Variants in PSG5 observed in about 807,000 individuals in gnomAD.
PSG5 encodes pregnancy-specific beta-1-glycoprotein 5.
In PSG5, 53 loss-of-function variants were observed where a neutral mutation model predicts 37.7. The observed-to-expected ratio is 1.41, with a 90% CI of 1.13 to 1.77. The LOEUF (loss-of-function observed/expected upper bound fraction) is 1.77. Ranked by LOEUF, PSG5 falls within the 40% of genes most tolerant of loss-of-function variation. The pLI is 0.00. For synonymous variants in PSG5, 221 were observed against 155.4 expected (o/e 1.42, Z -3.14); for missense variants, 547 against 405.2 (o/e 1.35, Z -3.00).
intron 2 of PSG5, among the ~76,000 whole-genome samples, chr19:43,184,005 T>A (rs895384902): frequency 6.6e-6 from 1 of 151,780 alleles, no homozygotes; most frequent in Admixed American, 6.6e-5. Flanking sequence ...CAGCATTTAT[T>A]ATTAATTTGC....
intron 2 of PSG5, chr19:43,183,476 G>C (rs768986391): frequency 1.9e-6 from 1 of 529,248 alleles, no homozygotes; most frequent in Non-Finnish European, 3.9e-6. Flanking sequence ...CAGGGTCTGA[G>C]TGGGGAAAGA....
intron 4 of PSG5, chr19:43,174,993 C>T (rs1360073782): frequency 2.8e-6 from 4 of 1,419,520 alleles, no homozygotes; most frequent in East Asian, 4.9e-5. Context: ...AGCCCCCTCC[C>T]TAACTTTCTT....
intron 2 of PSG5, among the ~76,000 whole-genome samples, chr19:43,179,562 T>A (rs1332704251): frequency 6.6e-6 from 1 of 151,770 alleles, no homozygotes; most frequent in African/African-American, 2.4e-5. Flanking sequence ...ATGTTTTCTC[T>A]GCAGCTTCCC....
At chr19:43,182,695 C>G (rs1969153959) in intron 2 of PSG5, among the ~76,000 whole-genome samples, 1 of 77,720 alleles carries the variant, frequency 1.3e-5, no homozygotes, top group Non-Finnish European at 2.8e-5. Context: ...TAGAAACCAA[C>G]ATTTCAATAA....
intron 2 of PSG5, among the ~76,000 whole-genome samples, chr19:43,179,378 T>G (rs1248132033): frequency 6.6e-6 from 1 of 151,442 alleles, no homozygotes; most frequent in Admixed American, 6.6e-5. Context: ...TTCTCAAGTG[T>G]GAATTGAGCA....
rs1969063987 is a variant in PSG5 at position 43,178,743 on chromosome 19, A to C, written c.431-2595T>G. 8 of 1,587,342 alleles carry C rather than the reference A, an allele frequency of 5.0e-6. No homozygotes were observed. In the South Asian group the frequency reaches 7.8e-5, roughly 15 times the overall value. On this transcript the variant is annotated intron_variant, in intron 2 of 5. Transcript: ENST00000342951. ...AGGCCTACTCTGTTTTGCCTGGGGC[A>C]GAAAGTCATGGCCAGCTTTGATGTC...
chr19:43,175,703 A>T, intron 3 of PSG5, 167 bp downstream of exon 3: 1 of 1,433,580 alleles, frequency 7.0e-7, no homozygotes, highest in Non-Finnish European at 9.4e-7. Context: ...ATTCCTGGTT[A>T]AGGCTGTGCC....
rs537937316 is a variant in PSG5 at position 43,185,425 on chromosome 19, C to T, written c.65-278G>A. Reference sequence around the variant, plus strand: ...GAATCCTCTTCCCCAGGGGTCCACACGGCACCCCCCCCCCCCCACACTGCC... The same window carrying T: ...GAATCCTCTTCCCCAGGGGTCCACATGGCACCCCCCCCCCCCCACACTGCC... On this transcript the variant is annotated intron_variant, in intron 1 of 5. Coordinates refer to ENST00000342951, the MANE Select transcript of PSG5 (RefSeq NM_002781.4). 7.0e-4 allele frequency among the ~76,000 whole-genome samples: 36 copies of T among 51,566 alleles called. No individual in the cohort carries two copies. The East Asian group carries it at 8.7e-3, about 12-fold the overall frequency. The allele number at this position is 51,566 out of a possible 152,430, so 33.8% of individuals were successfully genotyped here.
intron 4 of PSG5, chr19:43,170,546 C>A (rs984016923): frequency 3.6e-5 from 15 of 417,218 alleles, no homozygotes; most frequent in Admixed American, 2.1e-4. Context: ...AGAAGGCCCA[C>A]GTCCGTGCAT....
At chr19:43,185,438 C>T (rs200578051) in intron 1 of PSG5, among the ~76,000 whole-genome samples, 5 of 150,014 alleles carry the variant, frequency 3.3e-5, no homozygotes, top group Admixed American at 6.6e-5. Flanking sequence ...CACCCCCCCC[C>T]CCCCACACTG....
chr19:43,179,466 G>A (rs1568374086), intron 2 of PSG5, among the ~76,000 whole-genome samples: 2 of 151,632 alleles, frequency 1.3e-5, no homozygotes, highest in Admixed American at 1.3e-4. Context: ...GACTAAAACT[G>A]CCTGCCTGAC....
rs78914482 is a variant in PSG5, at chr19:43,182,264, G to A, written c.430+2518C>T. On this transcript the variant is annotated intron_variant, in intron 2 of 5. Transcript: ENST00000342951. ...GGAGGGAACTGAATTCTGCTAAAAT[G>A]TTGGCACAGTTTCTATAATTCCTGA... 6.2e-3 allele frequency among the ~76,000 whole-genome samples: 948 copies of A among 151,852 alleles called. 26 individuals carry two copies. The highest frequency in any genetic ancestry group is 0.06 in the East Asian group (313 of 5,184).
intron 2 of PSG5, among the ~76,000 whole-genome samples, chr19:43,178,536 G>T (rs533967524): frequency 6.6e-6 from 1 of 151,650 alleles, no homozygotes; most frequent in Non-Finnish European, 1.5e-5. Flanking sequence ...GAAAATCCTG[G>T]TCTGTGGAAG....
Position 43,176,638 on chromosome 19 carries a change from G to T in PSG5, c.431-490C>A, listed in dbSNP as rs552400139. On this transcript the variant is annotated intron_variant, in intron 2 of 5. Coordinates refer to ENST00000342951, the MANE Select transcript of PSG5 (RefSeq NM_002781.4). ...CCTGAAACCCTGAAGATACTGAGCAGTCTGGCCTGGGACTGGATGTTTCAG... is the reference window on the plus strand; with the variant it reads ...CCTGAAACCCTGAAGATACTGAGCATTCTGGCCTGGGACTGGATGTTTCAG... Among the ~76,000 whole-genome samples the T allele has an allele frequency of 1.8e-3, 277 of 151,320 alleles. 4 individuals carry two copies. The highest frequency in any genetic ancestry group is 6.2e-3 in the African/African-American group (253 of 41,054).
chr19:43,183,383 G>A (rs770427523), intron 2 of PSG5: 3 of 524,160 alleles, frequency 5.7e-6, no homozygotes, highest in South Asian at 4.2e-5. Flanking sequence ...AGAGGTTTTG[G>A]ATCATTCATT....
intron 2 of PSG5, chr19:43,183,445 C>G (rs1175070638): frequency 1.1e-5 from 6 of 529,668 alleles, no homozygotes; most frequent in Admixed American, 5.8e-5. Flanking sequence ...GTGTGTGTCT[C>G]TCGCTGGGCC....
intron 2 of PSG5, among the ~76,000 whole-genome samples, chr19:43,178,050 G>A (rs1969047887): frequency 6.6e-6 from 1 of 151,588 alleles, no homozygotes; most frequent in African/African-American, 2.4e-5. Flanking sequence ...CCTAAAGAAT[G>A]ATCTAGAAAG....
chr19:43,178,991 G>A lies in PSG5; in HGVS notation c.431-2843C>T, dbSNP rs776855409. ...TGACACCAAATATAAAGAGGGTCCT[G>A]TTGGTTTTGGACAGCTGCAACCTGT... On this transcript the variant is annotated intron_variant, in intron 2 of 5. Transcript: ENST00000342951. The A allele has an allele frequency of 3.1e-6, 5 of 1,612,802 alleles. No homozygotes were observed. The East Asian group carries it at 1.1e-4, about 36-fold the overall frequency.
intron 2 of PSG5, among the ~76,000 whole-genome samples, chr19:43,177,451 T>A (rs1181302246): frequency 6.6e-6 from 1 of 151,510 alleles, no homozygotes; most frequent in Non-Finnish European, 1.5e-5. Context: ...GCATTTCTTT[T>A]CAGCATCAGA....
Sources: gnomAD v4.1 joint callset for allele counts (sites outside exome capture counted in the v4.1 genomes callset) on GRCh38, gnomAD v4.1.1 for gene constraint, MANE v1.5 for transcripts, NCBI Gene and HGNC (gene_info 2026-07-23, HGNC 2026-07-21) for gene names.